The following SLC10A7 variants were observed in gnomAD, a reference collection of about 807,000 sequenced individuals.
The protein encoded by SLC10A7 is solute carrier family 10 member 7.
In SLC10A7, 29 loss-of-function variants were observed where a neutral mutation model predicts 43.2. That is an observed-to-expected ratio of 0.67 (90% CI 0.50 to 0.92). The LOEUF (loss-of-function observed/expected upper bound fraction) is 0.92, where lower values mean the gene tolerates loss of function less well. Among genes scored for constraint, SLC10A7 ranks in the 40% least tolerant of loss-of-function variants. SLC10A7 has a pLI of 0.00. For synonymous variants in SLC10A7, 152 were observed against 144.8 expected (o/e 1.05, Z -0.35); for missense variants, 295 against 403.2 (o/e 0.73, Z 2.30).
intron 5 of SLC10A7, among the ~76,000 whole-genome samples, chr4:146,419,872 G>A (rs537989852): frequency 1.1e-3 from 171 of 151,878 alleles, no homozygotes; most frequent in South Asian, 6.0e-3. Context: ...CATCCATTTC[G>A]TTTCAATATC....
chr4:146,331,652 A>G (rs1733544563), intron 5 of SLC10A7, among the ~76,000 whole-genome samples: 1 of 152,186 alleles, frequency 6.6e-6, no homozygotes, highest in Admixed American at 6.5e-5. Context: ...CATGTTCTTA[A>G]CTTTTCGAAA....
At chr4:146,336,699 G>A (rs935618066) in intron 5 of SLC10A7, among the ~76,000 whole-genome samples, 1 of 152,040 alleles carries the variant, frequency 6.6e-6, no homozygotes, top group Non-Finnish European at 1.5e-5. Context: ...TCTAAAGTTG[G>A]TTCTCCTTTA....
At chr4:146,271,443 C>T (rs1728887269) in intron 10 of SLC10A7, among the ~76,000 whole-genome samples, 1 of 152,174 alleles carries the variant, frequency 6.6e-6, no homozygotes, top group African/African-American at 2.4e-5. Flanking sequence ...CAAAGCTTCT[C>T]AACTCTTCCA....
chr4:146,367,434 T>C (rs1490571395), intron 5 of SLC10A7, among the ~76,000 whole-genome samples: 1 of 152,168 alleles, frequency 6.6e-6, no homozygotes, highest in East Asian at 1.9e-4. Flanking sequence ...TTTATTTAAT[T>C]TTTTAATTAA....
chr4:146,458,034 C>A (rs1266795844), intron 4 of SLC10A7, among the ~76,000 whole-genome samples: 1 of 151,620 alleles, frequency 6.6e-6, no homozygotes, highest in Non-Finnish European at 1.5e-5. Flanking sequence ...CATAAGGAAA[C>A]CACAGAAGAA....
chr4:146,409,750 T>A (rs930113291), intron 5 of SLC10A7, among the ~76,000 whole-genome samples: 1 of 152,194 alleles, frequency 6.6e-6, no homozygotes, highest in Non-Finnish European at 1.5e-5. Flanking sequence ...CGTTGTCCTA[T>A]ATATTACATA....
chr4:146,439,685 G>A (rs1730453773), intron 5 of SLC10A7, among the ~76,000 whole-genome samples: 1 of 152,122 alleles, frequency 6.6e-6, no homozygotes, highest in South Asian at 2.1e-4. Flanking sequence ...TATCCCACAA[G>A]TCTACAGTTT....
At chr4:146,463,613 T>G (rs1368461356) in intron 4 of SLC10A7, among the ~76,000 whole-genome samples, 2 of 151,920 alleles carry the variant, frequency 1.3e-5, no homozygotes, top group African/African-American at 4.8e-5. Context: ...CTGTGGCACA[T>G]GCCTGTATGC....
intron 4 of SLC10A7, among the ~76,000 whole-genome samples, chr4:146,463,369 T>A (rs916060263): frequency 2.6e-5 from 4 of 152,132 alleles, no homozygotes; most frequent in African/African-American, 9.7e-5. Flanking sequence ...ACACGCTTTA[T>A]AATATTGCTG....
intron 7 of SLC10A7, among the ~76,000 whole-genome samples, chr4:146,301,341 G>A (rs866322812): frequency 6.6e-6 from 1 of 152,150 alleles, no homozygotes; most frequent in Non-Finnish European, 1.5e-5. Flanking sequence ...AGGATGATGA[G>A]TATGCAGCAT....
At chr4:146,287,605 G>A (rs542126187) in intron 9 of SLC10A7, among the ~76,000 whole-genome samples, 79 of 152,274 alleles carry the variant, frequency 5.2e-4, no homozygotes, top group Non-Finnish European at 1.0e-3. Context: ...GCAGATTGGA[G>A]AATATGAATT....
chr4:146,359,172 T>C (rs77184178), intron 5 of SLC10A7, among the ~76,000 whole-genome samples: 10,477 of 152,214 alleles, frequency 0.069, 448 homozygotes, highest in South Asian at 0.18. Context: ...GATTTGGATA[T>C]TATCCATTAT....
intron 4 of SLC10A7, among the ~76,000 whole-genome samples, chr4:146,456,403 A>G (rs1194549024): frequency 6.6e-6 from 1 of 151,906 alleles, no homozygotes; most frequent in Non-Finnish European, 1.5e-5. Context: ...AAACTCCACA[A>G]GTTAAAAACT....
chr4:146,490,272 C>T (rs1169278897), intron 4 of SLC10A7, among the ~76,000 whole-genome samples: 2 of 152,124 alleles, frequency 1.3e-5, no homozygotes, highest in African/African-American at 4.8e-5. Flanking sequence ...AGAATACACA[C>T]ATGCCAACGA....
rs1404441464 is a variant in SLC10A7, at chr4:146,294,184, C to T, written c.556-89G>A. The T allele has an allele frequency of 7.6e-6, 8 of 1,059,340 alleles. No individual in the cohort carries two copies. The Admixed American group carries it at 8.9e-5, about 12-fold the overall frequency. 65.6% of individuals were successfully genotyped at this position (1,059,340 alleles called of 1,614,324 possible). A position where few individuals can be genotyped will look rare whatever the true frequency, so the allele number is the denominator to read the frequency against. On this transcript the variant is annotated intron_variant, in intron 7 of 11. Transcript: ENST00000335472. ...CAAAGTGATTCTGACAGGAGAAAGA[C>T]ATAAAGGAAAGAGAATAATTTGGCT...
intron 4 of SLC10A7, among the ~76,000 whole-genome samples, chr4:146,491,200 G>A (rs1235656897): frequency 6.6e-6 from 1 of 152,114 alleles, no homozygotes; most frequent in East Asian, 1.9e-4. Flanking sequence ...GGTCCTTACT[G>A]TAGGTGCTGA....
intron 4 of SLC10A7, among the ~76,000 whole-genome samples, chr4:146,475,444 T>C (rs1364130678): frequency 1.3e-5 from 2 of 152,222 alleles, no homozygotes; most frequent in East Asian, 3.8e-4. Flanking sequence ...ATCTTTATTT[T>C]AGCAACAGAG....
chr4:146,437,897 T>C (rs774435438), intron 5 of SLC10A7, among the ~76,000 whole-genome samples: 3 of 152,080 alleles, frequency 2.0e-5, no homozygotes, highest in African/African-American at 7.2e-5. Context: ...ATTTCTCTAA[T>C]GTTTTATAGC....
At chr4:146,397,727 G>C (rs1738935888) in intron 5 of SLC10A7, among the ~76,000 whole-genome samples, 1 of 152,180 alleles carries the variant, frequency 6.6e-6, no homozygotes, top group Non-Finnish European at 1.5e-5. Flanking sequence ...TTGTTCAAGA[G>C]CCAATAAATA....
Sources: gnomAD v4.1 joint callset for allele counts (sites outside exome capture counted in the v4.1 genomes callset) on GRCh38, gnomAD v4.1.1 for gene constraint, MANE v1.5 for transcripts, NCBI Gene and HGNC (gene_info 2026-07-23, HGNC 2026-07-21) for gene names.